Variants in LRP1B observed in about 807,000 individuals in gnomAD.
The protein encoded by LRP1B is low-density lipoprotein receptor-related protein 1B.
In LRP1B, 217 loss-of-function variants were observed where a neutral mutation model predicts 556.6. The observed-to-expected ratio is 0.39, with a 90% CI of 0.35 to 0.44. The LOEUF (loss-of-function observed/expected upper bound fraction) is 0.44. Among genes scored for constraint, LRP1B ranks in the 20% least tolerant of loss-of-function variants. The pLI, the probability that LRP1B is intolerant of heterozygous loss-of-function variation, is 1.00. For synonymous variants in LRP1B, 2,047 were observed against 1,865.8 expected, an observed-to-expected ratio of 1.10 and a Z score of -2.50; for missense variants, 5,053 against 5,620.8, an observed-to-expected ratio of 0.90 and a Z score of 3.23.
intron 20 of LRP1B, among the ~76,000 whole-genome samples, chr2:140,940,437 T>A (rs1265833179): frequency 6.6e-6 from 1 of 152,160 alleles, no homozygotes; most frequent in Admixed American, 6.6e-5. Context: ...CAGACTCTCC[T>A]TATTTTACTA....
At chr2:141,069,327 A>G (rs761918045) in intron 7 of LRP1B, among the ~76,000 whole-genome samples, 51 of 152,100 alleles carry the variant, frequency 3.4e-4, no homozygotes, top group Non-Finnish European at 7.1e-4. Flanking sequence ...GGAGCACTAA[A>G]AATGTGGAGA....
chr2:141,609,977 G>A (rs1248303760), intron 2 of LRP1B, among the ~76,000 whole-genome samples: 2 of 152,262 alleles, frequency 1.3e-5, no homozygotes, highest in East Asian at 3.9e-4. Flanking sequence ...ACCTAATGGT[G>A]AAATTTTTAT....
intron 22 of LRP1B, 107 bp from the exon 23 acceptor site, chr2:140,903,272 A>C: frequency 6.2e-6 from 8 of 1,286,252 alleles, no homozygotes; most frequent in Non-Finnish European, 8.5e-6. Context: ...AGGATACTAC[A>C]AATGAATATA....
intron 1 of LRP1B, among the ~76,000 whole-genome samples, chr2:142,082,118 A>C (rs1705741481): frequency 6.6e-6 from 1 of 152,214 alleles, no homozygotes; most frequent in African/African-American, 2.4e-5. Context: ...AAAGTCTGAA[A>C]GTTTAGGTTT....
intron 1 of LRP1B, among the ~76,000 whole-genome samples, chr2:141,825,585 T>G (rs1277360320): frequency 6.6e-6 from 1 of 152,196 alleles, no homozygotes; most frequent in Non-Finnish European, 1.5e-5. Context: ...CTTTATTAGT[T>G]TATGTGATGG....
rs1052462694 is a variant in LRP1B at position 140,340,012 on chromosome 2, A to T, written c.11893-4174T>A. 5.9e-5 allele frequency among the ~76,000 whole-genome samples: 9 copies of T among 151,584 alleles called. 1 individual carries two copies. The highest frequency in any genetic ancestry group is 2.2e-4 in the African/African-American group (9 of 41,374). ...AAAAGAAACTTCAGACATAATTCTC[A>T]GTTGTTGAAAAAGACCAAATTTGTC... On this transcript the variant is annotated intron_variant, in intron 77 of 90. Transcript: ENST00000389484.
chr2:140,531,633 C>A lies in LRP1B; in HGVS notation c.7762+2388G>T, dbSNP rs185830510. Among the ~76,000 whole-genome samples, 32 of 152,186 alleles carry A rather than the reference C, an allele frequency of 2.1e-4. No homozygotes were observed. The East Asian group carries it at 5.4e-3, about 26-fold the overall frequency. Reference sequence around the variant, plus strand: ...CTCTCATCACAACTGTACTTCATACCTTTCCTTTACATCAATCTTTTCTAA... The same window carrying A: ...CTCTCATCACAACTGTACTTCATACATTTCCTTTACATCAATCTTTTCTAA... On this transcript the variant is annotated intron_variant, in intron 47 of 90. Coordinates refer to ENST00000389484, the MANE Select transcript of LRP1B (RefSeq NM_018557.3).
Position 140,556,393 on chromosome 2 carries a change from G to T in LRP1B, c.7195-14422C>A, listed in dbSNP as rs111854717. ...CATGGAGAAGAATCTGAATAAACAG[G>T]CCTTACTAAGTTCCCCCCACAGTCT... On this transcript the variant is annotated intron_variant, in intron 43 of 90. Coordinates refer to ENST00000389484, the MANE Select transcript of LRP1B (RefSeq NM_018557.3). Among the ~76,000 whole-genome samples the T allele has an allele frequency of 7.9e-3, 1,201 of 151,994 alleles. 15 individuals carry two copies. Among genetic ancestry groups the T allele is most frequent in the Non-Finnish European group, 0.014 (978 of 67,946 alleles).
chr2:141,255,089 G>A (rs1684411158), intron 3 of LRP1B, among the ~76,000 whole-genome samples: 1 of 151,554 alleles, frequency 6.6e-6, no homozygotes, highest in Admixed American at 6.6e-5. Context: ...ATTTTTCTTT[G>A]GTAGAAAAAT....
At position 142,092,329 on chromosome 2, in the gene LRP1B, C is replaced by T. The variant is rs149193616; in HGVS notation, c.82+38319G>A. ...CTAAGCCTACATTTTAAAAAAATTGCTAGTTTTTGGATTTTTTTGGCATAT... is the reference window on the plus strand; with the variant it reads ...CTAAGCCTACATTTTAAAAAAATTGTTAGTTTTTGGATTTTTTTGGCATAT... On this transcript the variant is annotated intron_variant, in intron 1 of 90. Transcript: ENST00000389484. Among the ~76,000 whole-genome samples, 892 of 95,008 alleles carry T rather than the reference C, an allele frequency of 9.4e-3. 3 individuals are homozygous for T. Among genetic ancestry groups the T allele is most frequent in the African/African-American group, 0.03 (827 of 27,486 alleles). 62.3% of individuals were successfully genotyped at this position (95,008 alleles called of 152,430 possible).
At chr2:141,372,074 G>T (rs183373443) in intron 3 of LRP1B, among the ~76,000 whole-genome samples, 3 of 152,124 alleles carry the variant, frequency 2.0e-5, no homozygotes, top group East Asian at 1.9e-4. Context: ...ATTATGAAAA[G>T]ATACTGAATT....
chr2:141,100,595 A>G (rs1173255503), intron 7 of LRP1B, among the ~76,000 whole-genome samples: 1 of 152,188 alleles, frequency 6.6e-6, no homozygotes, highest in African/African-American at 2.4e-5. Flanking sequence ...TGAGGTAGAG[A>G]TATCTCAACA....
Position 140,466,446 on chromosome 2 carries a change from A to T in LRP1B, c.9625+8692T>A, listed in dbSNP as rs1445072153. Among the ~76,000 whole-genome samples, 3 of 152,164 alleles carry T rather than the reference A, an allele frequency of 2.0e-5. No individual in the cohort carries two copies. The South Asian group carries it at 6.2e-4, about 31-fold the overall frequency. ...AGAGCAATAAACAAACAATAGAGTT[A>T]GACTACAATATTGACACTTTAATAT... On this transcript the variant is annotated intron_variant, in intron 60 of 90. Transcript: ENST00000389484.
In LRP1B at chr2:140,505,923, A is replaced by G. The variant is rs113993371; in HGVS notation, c.8521+873T>C. Among the ~76,000 whole-genome samples the G allele has an allele frequency of 7.7e-3, 1,170 of 152,308 alleles. 22 individuals carry two copies. Among genetic ancestry groups the G allele is most frequent in the African/African-American group, 0.027 (1,115 of 41,566 alleles). On this transcript the variant is annotated intron_variant, in intron 53 of 90. Coordinates refer to ENST00000389484, the MANE Select transcript of LRP1B (RefSeq NM_018557.3). ...TCACATTACAGTTAAACTTCAACTG[A>G]GCATTTTTAATATATTGATGCTATC...
intron 2 of LRP1B, among the ~76,000 whole-genome samples, chr2:141,708,589 A>G (rs1003723616): frequency 1.6e-4 from 25 of 152,274 alleles, no homozygotes; most frequent in African/African-American, 5.8e-4. Context: ...TGATATTTTA[A>G]ATATTCTATA....
chr2:141,841,757 A>G (rs1697481073), intron 1 of LRP1B, among the ~76,000 whole-genome samples: 1 of 152,192 alleles, frequency 6.6e-6, no homozygotes, highest in Non-Finnish European at 1.5e-5. Flanking sequence ...TGGTTTAACA[A>G]TATGGGTTAT....
intron 7 of LRP1B, among the ~76,000 whole-genome samples, chr2:141,102,670 GA>G (rs1273798694): frequency 1.3e-5 from 2 of 151,426 alleles, no homozygotes; most frequent in East Asian, 1.9e-4. Flanking sequence ...TAGGAAGATA[GA>G]AAAAAAAGGT....
intron 18 of LRP1B, among the ~76,000 whole-genome samples, chr2:140,971,155 A>C (rs761516183): frequency 4.6e-5 from 7 of 152,238 alleles, no homozygotes; most frequent in Non-Finnish European, 7.3e-5. Flanking sequence ...ACGTAAAGTT[A>C]AGGATCTCAG....
chr2:141,576,205 A>G (rs938098475), intron 2 of LRP1B, among the ~76,000 whole-genome samples: 3 of 152,208 alleles, frequency 2.0e-5, no homozygotes, highest in African/African-American at 7.2e-5. Context: ...TAGACTGGAT[A>G]AATAAAATGT....
Sources: gnomAD v4.1 joint callset for allele counts (sites outside exome capture counted in the v4.1 genomes callset) on GRCh38, gnomAD v4.1.1 for gene constraint, MANE v1.5 for transcripts, NCBI Gene and HGNC (gene_info 2026-07-23, HGNC 2026-07-21) for gene names.